HCN1: variants seen among roughly 807,000 people sequenced by gnomAD.
HCN1 encodes potassium/sodium hyperpolarization-activated cyclic nucleotide-gated channel 1.
Under a neutral mutation model 78.9 loss-of-function variants are expected in HCN1, and 13 were observed. That is an observed-to-expected ratio of 0.16 (90% CI 0.11 to 0.26). The LOEUF (loss-of-function observed/expected upper bound fraction) is 0.26, where lower values mean the gene tolerates loss of function less well. HCN1 is among the 10% of genes least tolerant of loss of function. HCN1 has a pLI of 1.00. For missense variants in HCN1, 810 were observed against 1,154.3 expected (o/e 0.70, Z 4.32); for synonymous variants, 552 against 455.5 (o/e 1.21, Z -2.70).
intron 1 of HCN1, among the ~76,000 whole-genome samples, chr5:45,665,806 A>G (rs1356511788): frequency 6.6e-6 from 1 of 152,112 alleles, no homozygotes; most frequent in Admixed American, 6.6e-5. Flanking sequence ...AAACTGTGCC[A>G]AAACTCTTGG....
At chr5:45,354,097 A>G (rs141875286) in intron 4 of HCN1, among the ~76,000 whole-genome samples, 1 of 152,002 alleles carries the variant, frequency 6.6e-6, no homozygotes, top group East Asian at 1.9e-4. Flanking sequence ...TGCATCCCTG[A>G]TAGTCAAACA....
At chr5:45,435,652 G>A (rs1347140606) in intron 3 of HCN1, among the ~76,000 whole-genome samples, 2 of 151,904 alleles carry the variant, frequency 1.3e-5, no homozygotes, top group African/African-American at 2.4e-5. Context: ...TATGAGATGG[G>A]GTGTGGGTTT....
chr5:45,295,752 C>A (rs1460644608), intron 6 of HCN1, among the ~76,000 whole-genome samples: 2 of 151,924 alleles, frequency 1.3e-5, no homozygotes, highest in Admixed American at 6.6e-5. Context: ...AAAGAGCATT[C>A]CTCAGCTAAT....
chr5:45,416,849 T>C (rs1477924209), intron 3 of HCN1, among the ~76,000 whole-genome samples: 1 of 151,886 alleles, frequency 6.6e-6, no homozygotes, highest in Non-Finnish European at 1.5e-5. Context: ...AGACACTGAA[T>C]CTTGTCTCCC....
intron 5 of HCN1, among the ~76,000 whole-genome samples, chr5:45,350,063 C>G (rs1026421799): frequency 1.3e-5 from 2 of 152,034 alleles, no homozygotes; most frequent in Non-Finnish European, 2.9e-5. Context: ...TGGGCAGACA[C>G]ACAACCAAAA....
At chr5:45,302,954 A>T (rs1745657335) in intron 6 of HCN1, among the ~76,000 whole-genome samples, 1 of 151,736 alleles carries the variant, frequency 6.6e-6, no homozygotes, top group Non-Finnish European at 1.5e-5. Context: ...GTCCAATTAA[A>T]CCTCTTTTTT....
At chr5:45,459,749 A>G (rs577637771) in intron 3 of HCN1, among the ~76,000 whole-genome samples, 1 of 152,126 alleles carries the variant, frequency 6.6e-6, no homozygotes, top group Non-Finnish European at 1.5e-5. Context: ...AAAAATGTAA[A>G]ATAATAATTT....
chr5:45,298,544 A>G (rs1176982002), intron 6 of HCN1, among the ~76,000 whole-genome samples: 2 of 152,058 alleles, frequency 1.3e-5, no homozygotes, highest in Non-Finnish European at 2.9e-5. Flanking sequence ...ATAGCCAAAG[A>G]TGAAACAATC....
chr5:45,496,808 T>G (rs1742044102), intron 2 of HCN1, among the ~76,000 whole-genome samples: 1 of 152,220 alleles, frequency 6.6e-6, no homozygotes, highest in Non-Finnish European at 1.5e-5. Context: ...GGTGTAAATT[T>G]TGGATCTTTC....
chr5:45,625,020 G>C (rs1184288631), intron 2 of HCN1, among the ~76,000 whole-genome samples: 4 of 152,066 alleles, frequency 2.6e-5, no homozygotes, highest in South Asian at 2.1e-4. Flanking sequence ...ATCTAATAGT[G>C]TGTAGCTGTT....
chr5:45,455,316 T>C (rs78237195), intron 3 of HCN1, among the ~76,000 whole-genome samples: 4,624 of 152,132 alleles, frequency 0.03, 231 homozygotes, highest in African/African-American at 0.11. Flanking sequence ...TATTAATAGA[T>C]ATGTCATATA....
chr5:45,272,752 C>A (rs558391108), intron 6 of HCN1, among the ~76,000 whole-genome samples: 38 of 151,898 alleles, frequency 2.5e-4, no homozygotes, highest in African/African-American at 8.7e-4. Flanking sequence ...AAGATTTGGT[C>A]ATTTTTTTTT....
At chr5:45,341,286 C>G (rs2111965272) in intron 5 of HCN1, among the ~76,000 whole-genome samples, 1 of 152,214 alleles carries the variant, frequency 6.6e-6, no homozygotes, top group Non-Finnish European at 1.5e-5. Context: ...TGAAGGAGAC[C>G]AATGATTAAT....
intron 2 of HCN1, among the ~76,000 whole-genome samples, chr5:45,474,709 G>A (rs1262022572): frequency 6.6e-6 from 1 of 151,520 alleles, no homozygotes; most frequent in Non-Finnish European, 1.5e-5. Context: ...ATTTTCTTTT[G>A]GTAATTTTAC....
chr5:45,482,365 G>A lies in HCN1; in HGVS notation c.850-20358C>T, dbSNP rs548877155. On this transcript the variant is annotated intron_variant, in intron 2 of 7. Coordinates refer to ENST00000303230, the MANE Select transcript of HCN1 (RefSeq NM_021072.4). ...ACTAGAGGTATATTCTCAACCTCAC[G>A]TAAAGTGTAGCTTCCAACACTATGT... Among the ~76,000 whole-genome samples, 10 of 152,196 alleles carry A rather than the reference G, an allele frequency of 6.6e-5. No individual in the cohort carries two copies. The East Asian group carries it at 1.2e-3, about 18-fold the overall frequency.
intron 6 of HCN1, among the ~76,000 whole-genome samples, chr5:45,277,915 C>T (rs1745097197): frequency 6.6e-6 from 1 of 152,034 alleles, no homozygotes; most frequent in East Asian, 1.9e-4. Flanking sequence ...AATGATAAAT[C>T]CCCAAAGTGG....
chr5:45,618,715 T>C (rs1225778511), intron 2 of HCN1, among the ~76,000 whole-genome samples: 2 of 152,086 alleles, frequency 1.3e-5, no homozygotes, highest in Non-Finnish European at 2.9e-5. Flanking sequence ...TTCCATATTA[T>C]ATTTAGGAAG....
intron 2 of HCN1, among the ~76,000 whole-genome samples, chr5:45,638,685 C>A (rs1745399057): frequency 6.6e-6 from 1 of 152,114 alleles, no homozygotes; most frequent in Non-Finnish European, 1.5e-5. Flanking sequence ...GGCAGATCAC[C>A]TGAGGTCAGG....
intron 5 of HCN1, among the ~76,000 whole-genome samples, chr5:45,316,746 CACA>C: frequency 6.6e-6 from 1 of 151,946 alleles, no homozygotes; most frequent in East Asian, 1.9e-4. Context: ...GTGCAAAAAT[CACA>C]AGCATTCTTA....
Sources: gnomAD v4.1 joint callset for allele counts (sites outside exome capture counted in the v4.1 genomes callset) on GRCh38, gnomAD v4.1.1 for gene constraint, MANE v1.5 for transcripts, NCBI Gene and HGNC (gene_info 2026-07-23, HGNC 2026-07-21) for gene names.